The following WT1 variants were observed in gnomAD, a reference collection of about 807,000 sequenced individuals.
WT1 encodes the protein Wilms tumor protein.
A neutral mutation model predicts 60.8 loss-of-function variants in WT1; 8 were observed. That is an observed-to-expected ratio of 0.13 (90% confidence interval 0.08 to 0.24). The LOEUF (loss-of-function observed/expected upper bound fraction) is 0.24. Ranked by LOEUF, WT1 falls within the 10% of genes least tolerant of loss-of-function variation. WT1 has a pLI of 1.00. For missense variants in WT1, 568 were observed against 711.8 expected (o/e 0.80, Z 2.30); for synonymous variants, 312 against 297.1 (o/e 1.05, Z -0.52).
intron 5 of WT1, among the ~76,000 whole-genome samples, chr11:32,403,573 T>C (rs1182966058): frequency 1.9e-5 from 1 of 52,924 alleles, no homozygotes; most frequent in Non-Finnish European, 3.3e-5. Context: ...TGAATATTAC[T>C]TTTTTTTTTT....
At chr11:32,395,478 T>A (rs77261511) in intron 7 of WT1, among the ~76,000 whole-genome samples, 2 of 131,348 alleles carry the variant, frequency 1.5e-5, no homozygotes, top group Non-Finnish European at 3.5e-5. Context: ...CTCTCTCTCC[T>A]TTTTTTTTTT....
At chr11:32,434,630 G>T in intron 1 of WT1, 70 bp downstream of exon 1, 1 of 1,608,234 alleles carries the variant, frequency 6.2e-7, no homozygotes, top group South Asian at 1.1e-5. Context: ...TAGGAGAGGG[G>T]GGTGTCCTAG....
chr11:32,398,688 C>CATGAAATGGAGAGAATA (rs1852048072), intron 6 of WT1, among the ~76,000 whole-genome samples: 1 of 152,056 alleles, frequency 6.6e-6, no homozygotes, highest in Non-Finnish European at 1.5e-5. Flanking sequence ...CTTCAGTTTC[C>CATGAAATGGAGAGAATA]CCATCCATGA....
intron 1 of WT1, among the ~76,000 whole-genome samples, chr11:32,429,380 T>C (rs1446032319): frequency 1.3e-5 from 2 of 151,348 alleles, no homozygotes; most frequent in East Asian, 3.9e-4. Context: ...CTTTAGAGTG[T>C]GCCTGACACT....
chr11:32,389,273 C>T, intron 9 of WT1, 94 bp from the exon 10 acceptor site: 3 of 1,600,644 alleles, frequency 1.9e-6, no homozygotes, highest in Non-Finnish European at 2.6e-6. Context: ...ACAAGGCACC[C>T]ACTCTGAATT....
intron 5 of WT1, among the ~76,000 whole-genome samples, chr11:32,416,165 A>C (rs970840773): frequency 5.3e-5 from 8 of 152,236 alleles, no homozygotes; most frequent in Non-Finnish European, 8.8e-5. Flanking sequence ...TGACTGATCT[A>C]ACAGGAACAT....
Position 32,389,005 on chromosome 11 carries a change from C to T in WT1, c.*53G>A, listed in dbSNP as rs1422395057. The T allele has an allele frequency of 1.2e-6, 2 of 1,613,418 alleles. No homozygotes were observed. Among genetic ancestry groups the T allele is most frequent in the Non-Finnish European group, 1.7e-6 (2 of 1,179,730 alleles). On this transcript the variant is annotated 3_prime_UTR_variant, in exon 10 of 10. Coordinates refer to ENST00000452863, the MANE Select transcript of WT1 (RefSeq NM_024426.6). ...AGGAGTGGAGAGTCAGACTTGAAAG[C>T]AGTTCACACACTGTGCTGCCTGGGA...
rs988513551 is a variant in WT1, at chr11:32,416,597, C to G, written c.966-57G>C. 24 of 1,596,624 alleles carry G rather than the reference C, an allele frequency of 1.5e-5. No homozygotes were observed. The African/African-American group carries it at 3.2e-4, about 21-fold the overall frequency. The stretch of plus-strand genomic sequence containing the variant: ...ATGGAGCATGCATGGATCTGGCAAG[C>G]CCCCCAGATCCCAGAATCCAGTGAA... On this transcript the variant is annotated intron_variant, in intron 4 of 9. Transcript: ENST00000452863.
chr11:32,431,081 T>G (rs1853292755), intron 1 of WT1, among the ~76,000 whole-genome samples: 1 of 152,044 alleles, frequency 6.6e-6, no homozygotes, highest in African/African-American at 2.4e-5. Flanking sequence ...GACCGTGCGC[T>G]AAGAGGCGAG....
chr11:32,417,755 GC>G (rs1402784071), intron 3 of WT1, 101 bp from the exon 4 acceptor site: 8 of 978,076 alleles, frequency 8.2e-6, no homozygotes, highest in Non-Finnish European at 1.3e-5. Flanking sequence ...GAAAGTGCAA[GC>G]CTCCACATTT....
chr11:32,399,593 T>C (rs558976194), intron 6 of WT1, among the ~76,000 whole-genome samples: 19 of 152,254 alleles, frequency 1.2e-4, no homozygotes, highest in Non-Finnish European at 2.6e-4. Context: ...CTTTACGATG[T>C]AGACCAAATC....
chr11:32,428,541 T>A lies in WT1; in HGVS notation c.740A>T (p.His247Leu), dbSNP rs749860238. The change falls in exon 2 of 10, where the codon CAC (histidine) becomes CTC (leucine). Residue 247 changes from histidine to leucine, a missense_variant. Around this residue, in one of 3 missense-constraint regions of WT1, gnomAD observed 523 missense variants for 565.1 expected, o/e 0.93. Transcript: ENST00000452863. ...CATGGGATCCTCATGCTTGAATGAGTGGTTGGGGAACTGCGCCGCATGGTG... is the reference window on the plus strand; with the variant it reads ...CATGGGATCCTCATGCTTGAATGAGAGGTTGGGGAACTGCGCCGCATGGTG... 1 of 1,613,882 alleles carries A rather than the reference T, an allele frequency of 6.2e-7. No individual in the cohort carries two copies. Among genetic ancestry groups the A allele is most frequent in the South Asian group, 1.1e-5 (1 of 91,082 alleles).
chr11:32,392,608 A>G (rs1851849895), intron 8 of WT1, 58 bp downstream of exon 8: 2 of 1,534,128 alleles, frequency 1.3e-6, no homozygotes, highest in Non-Finnish European at 1.8e-6. Context: ...GAGAATCATG[A>G]AATCAACCCT....
At chr11:32,432,760 G>T (rs912547443) in intron 1 of WT1, among the ~76,000 whole-genome samples, 1 of 152,164 alleles carries the variant, frequency 6.6e-6, no homozygotes, top group Non-Finnish European at 1.5e-5. Context: ...CACGACATGT[G>T]ATAAGATCCC....
chr11:32,414,776 G>C (rs1852611841), intron 5 of WT1, among the ~76,000 whole-genome samples: 1 of 151,884 alleles, frequency 6.6e-6, no homozygotes, highest in Admixed American at 6.6e-5. Context: ...AGGAGGCTGA[G>C]GCAGGAGAAT....
chr11:32,402,358 C>T (rs939603992), intron 5 of WT1, among the ~76,000 whole-genome samples: 1 of 152,190 alleles, frequency 6.6e-6, no homozygotes, highest in Non-Finnish European at 1.5e-5. Flanking sequence ...CTGTGTCTGC[C>T]TTCCTTTCAA....
intron 4 of WT1, among the ~76,000 whole-genome samples, chr11:32,417,138 C>T (rs5030203): frequency 0.18 from 27,030 of 152,034 alleles, 3,350 homozygotes; most frequent in East Asian, 0.66. Flanking sequence ...CCTGTTGGTG[C>T]AATCAGGTAT....
intron 3 of WT1, among the ~76,000 whole-genome samples, chr11:32,426,660 A>ATT (rs5030182): frequency 0.11 from 16,349 of 152,014 alleles, 1,278 homozygotes; most frequent in African/African-American, 0.22. Flanking sequence ...CAAGTTTCGA[A>ATT]TAGATAAACC....
chr11:32,412,384 G>C (rs1852528406), intron 5 of WT1, among the ~76,000 whole-genome samples: 1 of 152,144 alleles, frequency 6.6e-6, no homozygotes, highest in South Asian at 2.1e-4. Context: ...ATTTTGCTGA[G>C]CACTCCTTTC....
Sources: allele counts gnomAD v4.1 joint callset (sites outside exome capture counted in the v4.1 genomes callset), GRCh38; gene constraint gnomAD v4.1.1; regional missense constraint gnomAD v4.1.1; transcripts MANE v1.5; gene names NCBI Gene and HGNC (gene_info 2026-07-23, HGNC 2026-07-21).